The following KCNS3 variants were observed in gnomAD, a reference collection of about 807,000 sequenced individuals.
KCNS3 encodes delayed-rectifier potassium channel regulatory subunit KCNS3.
KCNS3 carries 13 observed loss-of-function variants against 31.0 expected under a neutral mutation model. The ratio of observed to expected loss-of-function variants is 0.42; its 90% CI spans 0.27 to 0.67. KCNS3 has a LOEUF of 0.67. Ranked by LOEUF, KCNS3 falls within the 30% of genes least tolerant of loss-of-function variation. KCNS3 has a pLI of 0.25. For missense variants in KCNS3, 545 were observed against 622.4 expected (o/e 0.88, Z 1.32); for synonymous variants, 238 against 241.5 (o/e 0.99, Z 0.13).
intron 1 of KCNS3, among the ~76,000 whole-genome samples, chr2:17,887,797 T>C (rs1397824189): frequency 6.6e-6 from 1 of 152,206 alleles, no homozygotes; most frequent in Non-Finnish European, 1.5e-5. Context: ...ACCAGCAGTG[T>C]AGAAGTGTCC....
intron 1 of KCNS3, among the ~76,000 whole-genome samples, chr2:17,913,029 G>A (rs1213104497): frequency 1.3e-5 from 2 of 152,170 alleles, no homozygotes; most frequent in African/African-American, 2.4e-5. Flanking sequence ...ACTGGAAGAT[G>A]TTTGATTCTG....
intron 1 of KCNS3, among the ~76,000 whole-genome samples, chr2:17,883,112 A>G (rs1324474332): frequency 6.6e-6 from 1 of 152,204 alleles, no homozygotes; most frequent in Non-Finnish European, 1.5e-5. Context: ...CAATAATGTT[A>G]CAGTTAAGCA....
intron 2 of KCNS3, among the ~76,000 whole-genome samples, chr2:17,918,439 A>G (rs1266549655): frequency 1.3e-5 from 2 of 152,202 alleles, no homozygotes; most frequent in Non-Finnish European, 2.9e-5. Flanking sequence ...TCTGTTCCTA[A>G]AAAGGATTCT....
chr2:17,878,957 A>G (rs999468742), intron 1 of KCNS3, among the ~76,000 whole-genome samples, 151 bp downstream of exon 1: 8 of 152,006 alleles, frequency 5.3e-5, no homozygotes, highest in Non-Finnish European at 1.2e-4. Flanking sequence ...ACGGCCGCAG[A>G]GCACTTTCCG....
chr2:17,888,619 T>TA (rs1431224265), intron 1 of KCNS3, among the ~76,000 whole-genome samples: 7 of 59,870 alleles, frequency 1.2e-4, no homozygotes, highest in African/African-American at 1.7e-4. Context: ...TAAAGTATAA[T>TA]AAAAAAAATG....
At chr2:17,883,314 C>T (rs1315545010) in intron 1 of KCNS3, among the ~76,000 whole-genome samples, 3 of 129,768 alleles carry the variant, frequency 2.3e-5, no homozygotes, top group Non-Finnish European at 3.1e-5. Flanking sequence ...TACATTCATT[C>T]AACAAGTATT....
intron 1 of KCNS3, among the ~76,000 whole-genome samples, chr2:17,904,767 C>T (rs1403633469): frequency 9.3e-5 from 14 of 151,056 alleles, no homozygotes; most frequent in Non-Finnish European, 1.6e-4. Context: ...ATCAGATGGT[C>T]GTAGATGTGT....
chr2:17,905,529 G>C (rs898313089), intron 1 of KCNS3, among the ~76,000 whole-genome samples: 11 of 152,320 alleles, frequency 7.2e-5, no homozygotes, highest in Admixed American at 3.3e-4. Flanking sequence ...GGGCATCCCT[G>C]TCTTGTGCCA....
At chr2:17,921,952 T>TATAA (rs1662725260) in intron 2 of KCNS3, among the ~76,000 whole-genome samples, 1 of 133,794 alleles carries the variant, frequency 7.5e-6, no homozygotes, top group African/African-American at 2.8e-5. Flanking sequence ...TATATATATA[T>TATAA]ATATATAAAT....
At chr2:17,926,737 A>G (rs1050199484) in intron 2 of KCNS3, among the ~76,000 whole-genome samples, 1 of 152,246 alleles carries the variant, frequency 6.6e-6, no homozygotes, top group African/African-American at 2.4e-5. Flanking sequence ...GGCCTAGCCC[A>G]TAAAAACTTT....
chr2:17,911,516 A>G (rs73918981), intron 1 of KCNS3, among the ~76,000 whole-genome samples: 4,101 of 152,306 alleles, frequency 0.027, 144 homozygotes, highest in African/African-American at 0.08. Context: ...TAAATATTTT[A>G]TAATACCTAT....
intron 1 of KCNS3, among the ~76,000 whole-genome samples, chr2:17,884,268 AATATATATATATATAT>A (rs1227638443): frequency 2.1e-5 from 1 of 46,680 alleles, no homozygotes; most frequent in South Asian, 9.1e-4. Context: ...AAAAAAAAAA[AATATATATATATATAT>A]ATATATATAT....
intron 1 of KCNS3, among the ~76,000 whole-genome samples, chr2:17,898,183 T>C (rs546582932): frequency 6.6e-6 from 1 of 152,026 alleles, no homozygotes; most frequent in Non-Finnish European, 1.5e-5. Context: ...ACCAGTACCA[T>C]GCTGTTTTAG....
In KCNS3 at chr2:17,931,185, T is replaced by C; in HGVS notation, c.177T>C (p.Asp59=). The part of the protein sequence containing the change: ...SEEAILELCD[D]YSVADKEYYF... ...AGGCCATTCTGGAGCTGTGTGATGATTACAGTGTGGCCGATAAGGAGTACT... is the reference window on the plus strand; with the variant it reads ...AGGCCATTCTGGAGCTGTGTGATGACTACAGTGTGGCCGATAAGGAGTACT... Residue 59 remains aspartate (D), a synonymous_variant, in exon 3 of 3, where the codon GAT becomes GAC. Transcript: ENST00000304101. This position sits in a 1 kb window ranked among gnomAD's most constrained non-coding sequence, Gnocchi z 5.4. 1 of 1,614,102 alleles carries C rather than the reference T, an allele frequency of 6.2e-7. No homozygotes were observed. Among genetic ancestry groups the C allele is most frequent in the Non-Finnish European group, 8.5e-7 (1 of 1,180,000 alleles).
chr2:17,895,482 A>G (rs1486266845), intron 1 of KCNS3, among the ~76,000 whole-genome samples: 2 of 152,154 alleles, frequency 1.3e-5, no homozygotes, highest in Non-Finnish European at 2.9e-5. Flanking sequence ...GAAAGCCAAT[A>G]TGGTGAGAAG....
chr2:17,922,515 T>C (rs1428482199), intron 2 of KCNS3, among the ~76,000 whole-genome samples: 1 of 152,186 alleles, frequency 6.6e-6, no homozygotes, highest in Non-Finnish European at 1.5e-5. Context: ...ATTATTGAGA[T>C]ATGCTTTGAA....
chr2:17,892,806 C>T (rs546049870), intron 1 of KCNS3, among the ~76,000 whole-genome samples: 176 of 152,298 alleles, frequency 1.2e-3, no homozygotes, highest in Non-Finnish European at 2.0e-3. Context: ...GTCTCTCAGC[C>T]GTGGATACCA....
At chr2:17,911,746 A>G (rs1662475821) in intron 1 of KCNS3, among the ~76,000 whole-genome samples, 1 of 152,226 alleles carries the variant, frequency 6.6e-6, no homozygotes, top group South Asian at 2.1e-4. Context: ...ATGGTTTTAC[A>G]TGCAGTAGAG....
At chr2:17,925,684 G>A (rs541887478) in intron 2 of KCNS3, among the ~76,000 whole-genome samples, 155 of 152,162 alleles carry the variant, frequency 1.0e-3, no homozygotes, top group Non-Finnish European at 1.9e-3. Flanking sequence ...TGAGAACAGC[G>A]TGGGGGAAAC....
Sources: gnomAD v4.1 joint callset for allele counts (sites outside exome capture counted in the v4.1 genomes callset) on GRCh38, gnomAD v4.1.1 for gene constraint, Gnocchi (gnomAD v3.1) non-coding constraint, MANE v1.5 for transcripts, NCBI Gene and HGNC (gene_info 2026-07-23, HGNC 2026-07-21) for gene names.